Variants in CEP85L observed in about 807,000 individuals in gnomAD.
CEP85L encodes the protein centrosomal protein of 85 kDa-like.
In CEP85L, 60 loss-of-function variants were observed where a neutral mutation model predicts 100.3. The ratio of observed to expected loss-of-function variants is 0.60; its 90% CI spans 0.49 to 0.74. CEP85L has a LOEUF of 0.74. CEP85L is among the 30% of genes least tolerant of loss of function. The pLI is 0.00. For missense variants in CEP85L, 973 were observed against 936.2 expected, an observed-to-expected ratio of 1.04 and a Z score of -0.51; for synonymous variants, 319 against 322.7, an observed-to-expected ratio of 0.99 and a Z score of 0.12.
chr6:118,670,602 T>C (rs1776274165), intron 1 of CEP85L, among the ~76,000 whole-genome samples: 1 of 152,310 alleles, frequency 6.6e-6, no homozygotes, highest in East Asian at 1.9e-4. Context: ...CTTTTGCTTC[T>C]GTAATCTCCT....
At chr6:118,600,355 GTGTGTGTGTGTGTGT>G (rs1562298031) in intron 2 of CEP85L, among the ~76,000 whole-genome samples, 7 of 140,110 alleles carry the variant, frequency 5.0e-5, no homozygotes, top group South Asian at 4.8e-4. Context: ...GTGTGTGTGT[GTGTGTGTGTGTGTGT>G]AACGCCATGG....
At chr6:118,657,644 A>G (rs1423788997) in intron 1 of CEP85L, among the ~76,000 whole-genome samples, 1 of 152,144 alleles carries the variant, frequency 6.6e-6, no homozygotes, top group Non-Finnish European at 1.5e-5. Context: ...GACAGTTTCA[A>G]GTTGGACTCA....
At chr6:118,622,785 G>A (rs774599237) in intron 2 of CEP85L, among the ~76,000 whole-genome samples, 11 of 152,194 alleles carry the variant, frequency 7.2e-5, no homozygotes, top group African/African-American at 1.9e-4. Flanking sequence ...CCAAGAAGGC[G>A]GCAGTCTTAC....
At chr6:118,533,146 T>C (rs1042643420) in intron 3 of CEP85L, among the ~76,000 whole-genome samples, 3 of 151,552 alleles carry the variant, frequency 2.0e-5, no homozygotes, top group Non-Finnish European at 4.4e-5. Context: ...CAAAAATCAA[T>C]AGAGTTTAAA....
intron 1 of CEP85L, among the ~76,000 whole-genome samples, chr6:118,638,344 A>T (rs1774646180): frequency 6.6e-6 from 1 of 152,152 alleles, no homozygotes; most frequent in Non-Finnish European, 1.5e-5. Context: ...ACTGAAGATG[A>T]TTAACAAATG....
Position 118,462,708 on chromosome 6 carries a change from G to A in CEP85L, c.*2697C>T. 6.6e-6 allele frequency: 1 copy of A among 152,034 alleles called. No individual in the cohort carries two copies. The highest frequency in any genetic ancestry group is 2.1e-4 in the South Asian group (1 of 4,824). 9.4% of individuals were successfully genotyped at this position (152,034 alleles called of 1,614,324 possible). A position where few individuals can be genotyped will look rare whatever the true frequency, so the allele number is the denominator to read the frequency against. ...CCACGAACATCCTAGTTCAAACTGG[G>A]TGAGATGCTCTAGTGTTGCTATTTG... On this transcript the variant is annotated 3_prime_UTR_variant, in exon 13 of 13. Coordinates refer to ENST00000368491, the MANE Select transcript of CEP85L (RefSeq NM_001042475.3).
At chr6:118,608,202 TAAG>T (rs1266253155) in intron 2 of CEP85L, among the ~76,000 whole-genome samples, 1 of 152,164 alleles carries the variant, frequency 6.6e-6, no homozygotes, top group African/African-American at 2.4e-5. Context: ...TTTTGTGACT[TAAG>T]AACATTTCTG....
intron 8 of CEP85L, among the ~76,000 whole-genome samples, chr6:118,480,803 C>T (rs1176622965): frequency 6.6e-6 from 1 of 152,028 alleles, no homozygotes; most frequent in Non-Finnish European, 1.5e-5. Flanking sequence ...CTTCATTACC[C>T]AAATCTGAGC....
chr6:118,471,008 A>T (rs947412481), intron 10 of CEP85L, among the ~76,000 whole-genome samples: 1 of 152,112 alleles, frequency 6.6e-6, no homozygotes, highest in African/African-American at 2.4e-5. Context: ...TATTAGCAAC[A>T]AATCTATATT....
chr6:118,607,036 A>G (rs1772272015), intron 2 of CEP85L, among the ~76,000 whole-genome samples: 1 of 152,124 alleles, frequency 6.6e-6, no homozygotes, highest in African/African-American at 2.4e-5. Context: ...TTGTGGCACC[A>G]TAGCCATGGG....
chr6:118,703,328 C>A (rs1352318268), intron 1 of CEP85L, among the ~76,000 whole-genome samples: 2 of 152,104 alleles, frequency 1.3e-5, no homozygotes, highest in Admixed American at 1.3e-4. Flanking sequence ...CCAACCCTTT[C>A]ATAAGGATTC....
upstream of CEP85L, chr6:118,651,834 C>T: frequency 1.0e-6 from 1 of 985,606 alleles, no homozygotes; most frequent in Non-Finnish European, 1.2e-6. Flanking sequence ...TAGAGGGCAG[C>T]GACTTGGCCT....
intron 1 of CEP85L, among the ~76,000 whole-genome samples, chr6:118,643,901 G>T (rs1038344522): frequency 1.8e-4 from 27 of 152,200 alleles, no homozygotes; most frequent in Admixed American, 1.6e-3. Context: ...ACTGTTCAGT[G>T]TAAGGAATCC....
chr6:118,568,961 A>T (rs571688566), intron 2 of CEP85L, among the ~76,000 whole-genome samples: 3 of 152,304 alleles, frequency 2.0e-5, no homozygotes, highest in East Asian at 1.9e-4. Flanking sequence ...TAAAAAAAAT[A>T]AAAAATTAGT....
At chr6:118,492,117 G>A (rs1159283977) in intron 5 of CEP85L, among the ~76,000 whole-genome samples, 1 of 151,980 alleles carries the variant, frequency 6.6e-6, no homozygotes. Flanking sequence ...GTTTTTTGAA[G>A]AAAGATAAAG....
intron 1 of CEP85L, among the ~76,000 whole-genome samples, chr6:118,661,437 A>T (rs1226921117): frequency 6.6e-6 from 1 of 152,132 alleles, no homozygotes; most frequent in Non-Finnish European, 1.5e-5. Context: ...CGTTTCAATA[A>T]GGTTTGTTAT....
At chr6:118,604,817 C>G (rs1772075306) in intron 2 of CEP85L, among the ~76,000 whole-genome samples, 1 of 152,150 alleles carries the variant, frequency 6.6e-6, no homozygotes, top group African/African-American at 2.4e-5. Context: ...AATATCTGAC[C>G]TTAATTTAGA....
At chr6:118,608,001 C>A (rs144633420) in intron 2 of CEP85L, among the ~76,000 whole-genome samples, 1 of 151,980 alleles carries the variant, frequency 6.6e-6, no homozygotes, top group Admixed American at 6.6e-5. Flanking sequence ...GTCCACAGTG[C>A]AAAATGAAAG....
chr6:118,474,133 A>G (rs1482261990), intron 10 of CEP85L, among the ~76,000 whole-genome samples: 1 of 152,196 alleles, frequency 6.6e-6, no homozygotes. Context: ...TATAATTAAA[A>G]ATTTCTGGAA....
Sources: gnomAD v4.1 joint callset for allele counts (sites outside exome capture counted in the v4.1 genomes callset) on GRCh38, gnomAD v4.1.1 for gene constraint, MANE v1.5 for transcripts, NCBI Gene and HGNC (gene_info 2026-07-23, HGNC 2026-07-21) for gene names.